Variants in GRIP1 observed in about 807,000 individuals in gnomAD.
GRIP1 encodes glutamate receptor-interacting protein 1.
In GRIP1, 45 loss-of-function variants were observed where a neutral mutation model predicts 129.9. The ratio of observed to expected loss-of-function variants is 0.35; its 90% CI spans 0.27 to 0.44. The LOEUF is 0.44. Among genes scored for constraint, GRIP1 ranks in the 20% least tolerant of loss-of-function variants. GRIP1 has a pLI of 1.00. For synonymous variants in GRIP1, 530 were observed against 520.8 expected, an observed-to-expected ratio of 1.02 and a Z score of -0.24; for missense variants, 1,196 against 1,396.8, an observed-to-expected ratio of 0.86 and a Z score of 2.29.
chr12:66,554,481 C>T (rs545677944), intron 2 of GRIP1, among the ~76,000 whole-genome samples: 2 of 152,120 alleles, frequency 1.3e-5, no homozygotes, highest in South Asian at 4.1e-4. Flanking sequence ...ACTGTGGTGG[C>T]CATGAGGAAA....
At chr12:66,696,700 G>T in intron 1 of GRIP1, among the ~76,000 whole-genome samples, 1 of 151,522 alleles carries the variant, frequency 6.6e-6, no homozygotes, top group Middle Eastern at 3.2e-3. Flanking sequence ...AGCTACTTGG[G>T]AGGCTGAGGC....
intron 1 of GRIP1, among the ~76,000 whole-genome samples, chr12:66,937,214 G>A (rs2041501084): frequency 6.6e-6 from 1 of 151,930 alleles, no homozygotes; most frequent in African/African-American, 2.4e-5. Flanking sequence ...TTTCTCTGCT[G>A]ATCCTTGTTG....
chr12:66,404,988 C>T (rs773033416), intron 16 of GRIP1, among the ~76,000 whole-genome samples: 20 of 152,050 alleles, frequency 1.3e-4, no homozygotes, highest in Non-Finnish European at 2.5e-4. Flanking sequence ...GCAGAGTTGG[C>T]GCCACTGCAC....
intron 1 of GRIP1, among the ~76,000 whole-genome samples, chr12:67,019,228 C>T (rs938278256): frequency 1.3e-5 from 2 of 152,134 alleles, no homozygotes; most frequent in Non-Finnish European, 2.9e-5. Context: ...CACGAATATG[C>T]GTCTACAGGA....
intron 1 of GRIP1, among the ~76,000 whole-genome samples, chr12:66,860,776 A>G (rs1268549219): frequency 6.6e-6 from 1 of 152,112 alleles, no homozygotes; most frequent in African/African-American, 2.4e-5. Flanking sequence ...CATAATGTCT[A>G]GAGTGGGCCT....
At chr12:66,537,308 T>C (rs2061634255) in intron 4 of GRIP1, among the ~76,000 whole-genome samples, 1 of 152,140 alleles carries the variant, frequency 6.6e-6, no homozygotes, top group Admixed American at 6.6e-5. Context: ...GAGCTGGGAT[T>C]TGAACCTGTC....
At chr12:66,818,094 T>C (rs1454502332) in intron 1 of GRIP1, among the ~76,000 whole-genome samples, 1 of 152,238 alleles carries the variant, frequency 6.6e-6, no homozygotes, top group African/African-American at 2.4e-5. Flanking sequence ...GTCAAGGAAC[T>C]GTTTGTACTC....
intron 1 of GRIP1, among the ~76,000 whole-genome samples, chr12:66,915,366 G>A (rs555093250): frequency 3.0e-4 from 46 of 152,190 alleles, no homozygotes; most frequent in Non-Finnish European, 5.4e-4. Flanking sequence ...TCTTGGGGTG[G>A]TAGTGGAAAA....
intron 1 of GRIP1, among the ~76,000 whole-genome samples, chr12:66,857,530 T>C (rs2040028303): frequency 7.0e-6 from 1 of 142,618 alleles, no homozygotes; most frequent in Admixed American, 7.2e-5. Context: ...AGTTCAGAAA[T>C]ACTATGGGGC....
In GRIP1 at chr12:66,771,617, G is replaced by A. The variant is rs557420721; in HGVS notation, c.-420+32436C>T. 4.6e-5 allele frequency among the ~76,000 whole-genome samples: 7 copies of A among 152,268 alleles called. No individual in the cohort carries two copies. The South Asian group carries it at 1.5e-3, about 32-fold the overall frequency. On this transcript the variant is annotated intron_variant, in intron 1 of 4. Transcript: ENST00000538373. The stretch of plus-strand genomic sequence containing the variant: ...AATCCCAGCGCAGAGAGGTCCCCAG[G>A]AATGAGTCAGTTCTTAGGCTCACTC...
At chr12:66,498,979 GGTCA>G (rs1012965780) in intron 7 of GRIP1, among the ~76,000 whole-genome samples, 1 of 152,158 alleles carries the variant, frequency 6.6e-6, no homozygotes, top group African/African-American at 2.4e-5. Context: ...TATTATTTAA[GGTCA>G]GTCTCATGAT....
intron 8 of GRIP1, 83 bp from the exon 9 acceptor site, chr12:66,463,176 C>T (rs1278393613): frequency 8.5e-7 from 1 of 1,173,648 alleles, no homozygotes; most frequent in Non-Finnish European, 1.3e-6. Flanking sequence ...GTTAAAATTT[C>T]ACAGTTTTTC....
At chr12:66,446,104 A>G (rs868023618) in intron 11 of GRIP1, among the ~76,000 whole-genome samples, 6 of 63,498 alleles carry the variant, frequency 9.4e-5, no homozygotes, top group African/African-American at 1.8e-4. Context: ...GCCGCCCCCC[A>G]CCACCACCCC....
At chr12:66,426,530 C>A (rs1191354728) in intron 14 of GRIP1, among the ~76,000 whole-genome samples, 1 of 152,080 alleles carries the variant, frequency 6.6e-6, no homozygotes, top group Non-Finnish European at 1.5e-5. Context: ...TGATAGGTTT[C>A]TCTTTGTTTG....
chr12:66,714,920 C>CATCCATCCATCCA (rs1555229374), intron 1 of GRIP1, among the ~76,000 whole-genome samples: 1 of 66,090 alleles, frequency 1.5e-5, no homozygotes, highest in African/African-American at 5.6e-5. Context: ...TCCATCCATC[C>CATCCATCCATCCA]ATCCAATCCA....
chr12:66,442,619 C>T (rs1236079356), intron 13 of GRIP1, among the ~76,000 whole-genome samples: 1 of 152,142 alleles, frequency 6.6e-6, no homozygotes, highest in African/African-American at 2.4e-5. Flanking sequence ...GCAGCCTTGA[C>T]TTCCAGGGCT....
At chr12:67,059,153 C>T (rs1385923061) in intron 1 of GRIP1, among the ~76,000 whole-genome samples, 1 of 152,194 alleles carries the variant, frequency 6.6e-6, no homozygotes, top group Non-Finnish European at 1.5e-5. Context: ...CTGAGCACAC[C>T]TCCCAAGATC....
In GRIP1 at chr12:66,477,250, C is replaced by T. The variant is rs1434027370; in HGVS notation, c.725-11828G>A. 2.6e-5 allele frequency among the ~76,000 whole-genome samples: 4 copies of T among 152,138 alleles called. No individual in the cohort carries two copies. The East Asian group carries it at 7.7e-4, about 29-fold the overall frequency. On this transcript the variant is annotated intron_variant, in intron 7 of 24. Transcript: ENST00000359742. ...ACACCAATAACAGACAAACAGAGAGCCAAATCATGAGTGAACTCCCATTCA... is the reference window on the plus strand; with the variant it reads ...ACACCAATAACAGACAAACAGAGAGTCAAATCATGAGTGAACTCCCATTCA...
At chr12:66,655,924 A>G (rs1180353272) in intron 1 of GRIP1, among the ~76,000 whole-genome samples, 1 of 152,164 alleles carries the variant, frequency 6.6e-6, no homozygotes, top group East Asian at 1.9e-4. Context: ...CTTTGAACAC[A>G]TATATATGTT....
Sources: gnomAD v4.1 joint callset for allele counts (sites outside exome capture counted in the v4.1 genomes callset) on GRCh38, gnomAD v4.1.1 for gene constraint, MANE v1.5 for transcripts, NCBI Gene and HGNC (gene_info 2026-07-23, HGNC 2026-07-21) for gene names.